Variants in RASSF3 observed in about 807,000 individuals in gnomAD.
The protein encoded by RASSF3 is ras association domain-containing protein 3.
A neutral mutation model predicts 19.9 loss-of-function variants in RASSF3; 19 were observed. The ratio of observed to expected loss-of-function variants is 0.96; its 90% CI spans 0.67 to 1.40. RASSF3 has a LOEUF of 1.40. Ranked by LOEUF, RASSF3 falls within the 40% of genes most tolerant of loss-of-function variation. The pLI is 0.00. For missense variants in RASSF3, 306 were observed against 289.8 expected, an observed-to-expected ratio of 1.06 and a Z score of -0.41; for synonymous variants, 110 against 104.2, an observed-to-expected ratio of 1.06 and a Z score of -0.34.
chr12:64,549,171 G>T (rs1190574510), intron 2 of RASSF3, among the ~76,000 whole-genome samples: 1 of 152,114 alleles, frequency 6.6e-6, no homozygotes, highest in Non-Finnish European at 1.5e-5. Context: ...AATCCCTGAG[G>T]GGTTTGACTA....
intron 2 of RASSF3, among the ~76,000 whole-genome samples, chr12:64,687,119 G>A (rs1592471477): frequency 6.6e-6 from 1 of 151,826 alleles, no homozygotes; most frequent in Non-Finnish European, 1.5e-5. Flanking sequence ...TCAGCCTCCC[G>A]AGTAGCTGGG....
chr12:64,518,841 C>T (rs1328978490), intron 1 of RASSF3, among the ~76,000 whole-genome samples: 1 of 152,112 alleles, frequency 6.6e-6, no homozygotes, highest in African/African-American at 2.4e-5. Context: ...ATTTGCATAC[C>T]TCCTAAATTC....
At chr12:64,603,491 A>G (rs1870131703) in intron 2 of RASSF3, among the ~76,000 whole-genome samples, 1 of 152,194 alleles carries the variant, frequency 6.6e-6, no homozygotes, top group Admixed American at 6.5e-5. Flanking sequence ...TGTTGGATGG[A>G]CAAATCTAGT....
chr12:64,684,919 G>C, intron 2 of RASSF3, 25 bp downstream of exon 2: 1 of 1,290,052 alleles, frequency 7.8e-7, no homozygotes, highest in Non-Finnish European at 1.1e-6. Context: ...TACTATTTAG[G>C]TTGACACCTG....
chr12:64,609,630 T>C (rs1466243957), upstream of RASSF3, among the ~76,000 whole-genome samples: 3 of 152,192 alleles, frequency 2.0e-5, no homozygotes, highest in Non-Finnish European at 4.4e-5. Context: ...TTAGAAAACA[T>C]GGAAACTTTT....
chr12:64,598,650 A>C (rs1436790253), intron 2 of RASSF3, among the ~76,000 whole-genome samples: 3 of 152,238 alleles, frequency 2.0e-5, no homozygotes, highest in African/African-American at 7.2e-5. Context: ...GTATTTATTA[A>C]GAAGGCTCAA....
At chr12:64,689,245 G>GTGTGTGTGTGTA (rs1356560866) in intron 3 of RASSF3, among the ~76,000 whole-genome samples, 1 of 151,452 alleles carries the variant, frequency 6.6e-6, no homozygotes, top group Non-Finnish European at 1.5e-5. Context: ...GTGTGTGTGT[G>GTGTGTGTGTGTA]TACAATAAAC....
chr12:64,659,383 A>G (rs1013535834), intron 1 of RASSF3, among the ~76,000 whole-genome samples: 7 of 152,184 alleles, frequency 4.6e-5, no homozygotes, highest in African/African-American at 1.7e-4. Context: ...ACAAGGTCAG[A>G]GCAAACCGAC....
chr12:64,652,854 T>C (rs1240932007), intron 1 of RASSF3, among the ~76,000 whole-genome samples: 1 of 152,194 alleles, frequency 6.6e-6, no homozygotes, highest in African/African-American at 2.4e-5. Flanking sequence ...TAGTTTGCCT[T>C]GACAAAGCAC....
chr12:64,673,303 C>G (rs774741010), intron 1 of RASSF3, among the ~76,000 whole-genome samples: 3 of 152,034 alleles, frequency 2.0e-5, no homozygotes, highest in Non-Finnish European at 2.9e-5. Flanking sequence ...TGTCACCACT[C>G]GGAATTATGT....
chr12:64,598,357 T>C (rs1370664544), intron 2 of RASSF3, among the ~76,000 whole-genome samples: 8 of 152,352 alleles, frequency 5.3e-5, no homozygotes, highest in Middle Eastern at 3.4e-3. Context: ...TTAACTAGTT[T>C]ATAAGGTTTT....
At chr12:64,570,264 G>A (rs1186928895) in intron 2 of RASSF3, among the ~76,000 whole-genome samples, 2 of 152,154 alleles carry the variant, frequency 1.3e-5, no homozygotes, top group East Asian at 1.9e-4. Flanking sequence ...AAAATGGGCC[G>A]ATGCTGATTA....
chr12:64,556,921 C>G (rs1420460348), intron 2 of RASSF3, among the ~76,000 whole-genome samples: 1 of 149,764 alleles, frequency 6.7e-6, no homozygotes. Flanking sequence ...ACTGCAACCT[C>G]TGCTTCCCGG....
chr12:64,645,313 A>G (rs961757559), intron 1 of RASSF3, among the ~76,000 whole-genome samples: 3 of 152,194 alleles, frequency 2.0e-5, no homozygotes, highest in African/African-American at 7.2e-5. Context: ...GGGAGGTTCT[A>G]TTATCACCCT....
chr12:64,531,898 G>T (rs944976524), upstream of RASSF3, among the ~76,000 whole-genome samples: 1 of 152,220 alleles, frequency 6.6e-6, no homozygotes, highest in Non-Finnish European at 1.5e-5. Context: ...CTGCTGAAGG[G>T]TTTGCACCCA....
chr12:64,549,397 G>A (rs1592397469), intron 2 of RASSF3, among the ~76,000 whole-genome samples: 1 of 152,146 alleles, frequency 6.6e-6, no homozygotes, highest in East Asian at 1.9e-4. Flanking sequence ...AAGTCATTGT[G>A]CACTTTGCTT....
intron 1 of RASSF3, among the ~76,000 whole-genome samples, chr12:64,681,878 G>T (rs1873139177): frequency 6.6e-6 from 1 of 152,092 alleles, no homozygotes; most frequent in African/African-American, 2.4e-5. Flanking sequence ...AGTGGTGCTT[G>T]TCTGTAGTCC....
At chr12:64,598,889 T>TC (rs758076936) in intron 2 of RASSF3, among the ~76,000 whole-genome samples, 1 of 85,008 alleles carries the variant, frequency 1.2e-5, no homozygotes, top group Non-Finnish European at 2.2e-5. Flanking sequence ...CCCTCCCCCC[T>TC]CCCCCCACCC....
At chr12:64,660,003 C>CGT (rs769550009) in intron 1 of RASSF3, among the ~76,000 whole-genome samples, 1 of 84,230 alleles carries the variant, frequency 1.2e-5, no homozygotes, top group East Asian at 2.4e-4. Flanking sequence ...TATATGTGTG[C>CGT]GTGTATATAT....
Sources: allele counts gnomAD v4.1 joint callset (sites outside exome capture counted in the v4.1 genomes callset), GRCh38; gene constraint gnomAD v4.1.1; transcripts MANE v1.5; gene names NCBI Gene and HGNC (gene_info 2026-07-23, HGNC 2026-07-21).